C1RL: variants seen among roughly 807,000 people sequenced by gnomAD.
C1RL encodes complement C1r subcomponent-like protein.
In C1RL, 27 loss-of-function variants were observed where a neutral mutation model predicts 27.9. The ratio of observed to expected loss-of-function variants is 0.97; its 90% confidence interval spans 0.71 to 1.33. The LOEUF is 1.33. C1RL is among the 40% of genes most tolerant of loss of function. The pLI is 0.00. For missense variants in C1RL, 563 were observed against 623.9 expected (o/e 0.90, Z 1.04); for synonymous variants, 248 against 252.1 (o/e 0.98, Z 0.15).
At chr12:7,103,521 C>T (rs1938682549) in intron 2 of C1RL, among the ~76,000 whole-genome samples, 2 of 152,196 alleles carry the variant, frequency 1.3e-5, no homozygotes, top group South Asian at 4.1e-4. Context: ...TCAATACCTG[C>T]TCCTTCAAAA....
chr12:7,103,145 C>T (rs964604696), intron 2 of C1RL, among the ~76,000 whole-genome samples: 3 of 152,148 alleles, frequency 2.0e-5, no homozygotes, highest in African/African-American at 7.2e-5. Flanking sequence ...AGAATATCAG[C>T]AAATGTAACT....
chr12:7,096,281 C>CG lies in C1RL; in HGVS notation c.*109_*110insC. The CG allele has an allele frequency of 4.9e-5, 19 of 389,820 alleles. No individual in the cohort carries two copies. The highest frequency in any genetic ancestry group is 6.8e-5 in the African/African-American group (2 of 29,476). 24.1% of individuals were successfully genotyped at this position (389,820 alleles called of 1,614,324 possible). On this transcript the variant is annotated 3_prime_UTR_variant, in exon 6 of 6. Coordinates refer to ENST00000266542, the MANE Select transcript of C1RL (RefSeq NM_016546.4). ...TGATGTGAATAGGATTTCCCTGCCT[C>CG]CCCCAACCCCCCACCCCCAACCCCT...
intron 2 of C1RL, among the ~76,000 whole-genome samples, chr12:7,102,499 A>G (rs1003765072): frequency 2.6e-5 from 4 of 152,320 alleles, no homozygotes; most frequent in African/African-American, 9.6e-5. Context: ...CGTTGACTCA[A>G]TGAACATGGG....
chr12:7,101,046 A>G (rs997305723), intron 3 of C1RL, among the ~76,000 whole-genome samples: 43 of 148,668 alleles, frequency 2.9e-4, no homozygotes, highest in Admixed American at 2.8e-3. Context: ...TAAAAAAATG[A>G]TATTTTATCA....
chr12:7,101,107 T>A (rs1565636772), intron 3 of C1RL, among the ~76,000 whole-genome samples: 1 of 52,432 alleles, frequency 1.9e-5, no homozygotes, highest in African/African-American at 7.7e-5. Flanking sequence ...CCCTCCTTCC[T>A]TCCCTCCCTC....
intron 2 of C1RL, among the ~76,000 whole-genome samples, chr12:7,105,005 C>T (rs752753376): frequency 1.2e-4 from 18 of 152,288 alleles, no homozygotes; most frequent in African/African-American, 4.1e-4. Context: ...AGTCTACCTG[C>T]CAAACAGTGA....
At chr12:7,101,050 T>C (rs1430497690) in intron 3 of C1RL, among the ~76,000 whole-genome samples, 6 of 151,316 alleles carry the variant, frequency 4.0e-5, no homozygotes, top group African/African-American at 1.5e-4. Context: ...AAAATGATAT[T>C]TTATCATGTG....
rs1938721394 is a variant in C1RL at position 7,104,899 on chromosome 12, A to C, written c.301-2812T>G. Among the ~76,000 whole-genome samples the C allele has an allele frequency of 6.6e-6, 1 of 152,158 alleles. No homozygotes were observed. The highest frequency in any genetic ancestry group is 1.5e-5 in the Non-Finnish European group (1 of 68,014). ...TTAGCTCTATGGCCAAATTGGTTTC[A>C]TTCTATGTTATTTCTCTTAAAGTCA... is the stretch of plus-strand genomic sequence containing the variant. On this transcript the variant is annotated intron_variant, in intron 2 of 5. Transcript: ENST00000266542. The surrounding 1 kb of genome is among the most constrained non-coding windows in gnomAD (Gnocchi z 5.4).
chr12:7,096,445 G>A lies in C1RL; in HGVS notation c.1410C>T (p.Thr470=), dbSNP rs1565634162. ...TCCAGTCCACATAGCTGAGCACCTT[G>A]GTGTAGAAGTCATACCCTTCGCCAC... ...IGCGEGYDFY[T]KVLSYVDWIK... The change falls in exon 6 of 6, where the codon ACC becomes ACT. Residue 470 remains threonine, a synonymous_variant. Coordinates refer to ENST00000266542, the MANE Select transcript of C1RL (RefSeq NM_016546.4). The A allele has an allele frequency of 1.2e-6, 2 of 1,613,846 alleles. No homozygotes were observed. Among genetic ancestry groups the A allele is most frequent in the Non-Finnish European group, 8.5e-7 (1 of 1,179,968 alleles).
Position 7,096,322 on chromosome 12 carries a change from C to T in C1RL, c.*69G>A. ...CCCAACCCCTACCCCAGTGTTCAGT[C>T]CTCACTCCAGGCCCTCTGTTGCCTG... is the stretch of plus-strand genomic sequence containing the variant. On this transcript the variant is annotated 3_prime_UTR_variant, in exon 6 of 6. Coordinates refer to ENST00000266542, the MANE Select transcript of C1RL (RefSeq NM_016546.4). 4 of 1,110,098 alleles carry T rather than the reference C, an allele frequency of 3.6e-6. No homozygotes were observed. In the South Asian group the frequency reaches 6.3e-5, roughly 18 times the overall value. 68.8% of individuals were successfully genotyped at this position (1,110,098 alleles called of 1,614,324 possible). A position where few individuals can be genotyped will look rare whatever the true frequency, so the allele number is the denominator to read the frequency against.
At chr12:7,105,385 T>G (rs1938738780) in intron 2 of C1RL, among the ~76,000 whole-genome samples, 1 of 152,066 alleles carries the variant, frequency 6.6e-6, no homozygotes, top group African/African-American at 2.4e-5. Flanking sequence ...TTCTTATGCC[T>G]CAGCCTCCCA....
Position 7,104,769 on chromosome 12 carries a change from A to G in C1RL, c.301-2682T>C, listed in dbSNP as rs12311014. Among the ~76,000 whole-genome samples, 1,160 of 152,336 alleles carry G rather than the reference A, an allele frequency of 7.6e-3. 17 individuals are homozygous for G. Among genetic ancestry groups the G allele is most frequent in the African/African-American group, 0.026 (1,072 of 41,554 alleles). ...TTACATGTAGGCATAGTTCACATGT[A>G]TTTCAATATTTAATATTAGAAGTGT... On this transcript the variant is annotated intron_variant, in intron 2 of 5. Transcript: ENST00000266542. The surrounding 1 kb of genome is among the most constrained non-coding windows in gnomAD (Gnocchi z 5.4).
chr12:7,105,762 C>T (rs536290273), intron 2 of C1RL, among the ~76,000 whole-genome samples: 97 of 152,226 alleles, frequency 6.4e-4, no homozygotes, highest in Middle Eastern at 3.4e-3. Flanking sequence ...GAAACAAGAA[C>T]AATACTCTAT....
chr12:7,099,683 C>T lies in C1RL; in HGVS notation c.691+3G>A. The T allele has an allele frequency of 6.4e-7, 1 of 1,552,568 alleles. No homozygotes were observed. Among genetic ancestry groups the T allele is most frequent in the Middle Eastern group, 1.7e-4 (1 of 5,992 alleles). On this transcript the variant is annotated splice_donor_region_variant and intron_variant, in intron 5 of 5. Coordinates refer to ENST00000266542, the MANE Select transcript of C1RL (RefSeq NM_016546.4). Reference sequence around the variant, plus strand: ...GGAATGGTGCTAGCAGGTGGCTACTCACCAGGCATACACTGAAGAACCTCC... The same window carrying T: ...GGAATGGTGCTAGCAGGTGGCTACTTACCAGGCATACACTGAAGAACCTCC...
intron 2 of C1RL, 53 bp from the exon 3 acceptor site, chr12:7,102,140 C>T: frequency 6.5e-7 from 1 of 1,539,148 alleles, no homozygotes; most frequent in Non-Finnish European, 8.9e-7. Context: ...TGAATCCGCG[C>T]TGCTGGCATC....
Position 7,095,983 on chromosome 12 carries a change from TG to T in C1RL, c.*407del. Reference sequence around the variant, plus strand: ...GGAATGTTTCAGAAATGCAATGCAATGAAAACCCCTTCCTCCATACTCTAAT... The same window carrying T: ...GGAATGTTTCAGAAATGCAATGCAATAAAACCCCTTCCTCCATACTCTAAT... On this transcript the variant is annotated 3_prime_UTR_variant, in exon 6 of 6. Coordinates refer to ENST00000266542, the MANE Select transcript of C1RL (RefSeq NM_016546.4). The T allele has an allele frequency of 1.0e-6, 1 of 999,074 alleles. No homozygotes were observed. The highest frequency in any genetic ancestry group is 1.1e-4 in the East Asian group (1 of 9,292). 61.9% of individuals were successfully genotyped at this position (999,074 alleles called of 1,614,324 possible).
Position 7,108,376 on chromosome 12 carries a change from C to A in C1RL, c.175G>T (p.Glu59Ter). The A allele has an allele frequency of 6.2e-7, 1 of 1,614,210 alleles. No individual in the cohort carries two copies. The highest frequency in any genetic ancestry group is 1.7e-5 in the Admixed American group (1 of 60,032). The stretch of plus-strand genomic sequence containing the variant: ...CTCTCTTGGCCTTTGCCATACGGCT[C>A]TGGGTACCCGGGGGATGTCAGCTGC... Reference protein sequence around the residue: ...PQQLTSPGYPEPYGKGQESST... With the variant: ...PQQLTSPGYP The change falls in exon 2 of 6, where the codon GAG becomes TAG. Residue 59 changes from glutamate (E) to a stop codon, truncating the protein, a stop_gained. Transcript: ENST00000266542. LOFTEE classifies it high-confidence loss of function.
Position 7,109,193 on chromosome 12 carries a change from A to T in C1RL, c.-13T>A, listed in dbSNP as rs747686505. 18 of 1,588,308 alleles carry T rather than the reference A, an allele frequency of 1.1e-5. No homozygotes were observed. Among genetic ancestry groups the T allele is most frequent in the African/African-American group, 2.7e-5 (2 of 74,480 alleles). ...TGGGTCCAGGCATCTGGAACTGGACATCTGGGACCTGCGAGAGAACTGGCC... is the reference window on the plus strand; with the variant it reads ...TGGGTCCAGGCATCTGGAACTGGACTTCTGGGACCTGCGAGAGAACTGGCC... On this transcript the variant is annotated 5_prime_UTR_variant, in exon 1 of 6. It removes an upstream start codon present in the reference 5' UTR. Coordinates refer to ENST00000266542, the MANE Select transcript of C1RL (RefSeq NM_016546.4).
At chr12:7,108,126 G>GTAAGCCACC in intron 2 of C1RL, 125 bp downstream of exon 2, 1 of 771,700 alleles carries the variant, frequency 1.3e-6, no homozygotes, top group South Asian at 2.1e-5. Flanking sequence ...AGCCAAGCCC[G>GTAAGCCACC]ACTGCCCCTA....
Sources: gnomAD v4.1 joint callset for allele counts (sites outside exome capture counted in the v4.1 genomes callset) on GRCh38, gnomAD v4.1.1 for gene constraint, Gnocchi (gnomAD v3.1) non-coding constraint, MANE v1.5 for transcripts, NCBI Gene and HGNC (gene_info 2026-07-23, HGNC 2026-07-21) for gene names.